Variants in EBF2 observed in about 807,000 individuals in gnomAD.
EBF2 encodes the protein EBF transcription factor 2, also known as transcription factor COE2.
A neutral mutation model predicts 72.8 loss-of-function variants in EBF2; 21 were observed. That is an observed-to-expected ratio of 0.29 (90% confidence interval 0.20 to 0.42). EBF2 has a LOEUF of 0.42. EBF2 is among the 10% of genes least tolerant of loss of function. EBF2 has a pLI of 1.00. For missense variants in EBF2, 637 were observed against 731.2 expected, an observed-to-expected ratio of 0.87 and a Z score of 1.49; for synonymous variants, 299 against 274.2, an observed-to-expected ratio of 1.09 and a Z score of -0.89.
chr8:25,941,925 T>C (rs1298084263), intron 6 of EBF2, among the ~76,000 whole-genome samples: 1 of 152,256 alleles, frequency 6.6e-6, no homozygotes, highest in Non-Finnish European at 1.5e-5. Flanking sequence ...TTTTAGTCCA[T>C]GCTGTGGCTT....
At chr8:25,920,283 A>C (rs1299803262) in intron 6 of EBF2, among the ~76,000 whole-genome samples, 1 of 152,208 alleles carries the variant, frequency 6.6e-6, no homozygotes, top group Non-Finnish European at 1.5e-5. Flanking sequence ...GTTTCTCTGT[A>C]GTCAGGAACA....
intron 6 of EBF2, among the ~76,000 whole-genome samples, chr8:25,982,357 G>T (rs1209273029): frequency 6.6e-6 from 1 of 152,174 alleles, no homozygotes; most frequent in East Asian, 1.9e-4. Flanking sequence ...GACTGAGCCT[G>T]AACACTATGT....
At chr8:25,929,623 T>C (rs2117143955) in intron 6 of EBF2, among the ~76,000 whole-genome samples, 1 of 152,330 alleles carries the variant, frequency 6.6e-6, no homozygotes, top group African/African-American at 2.4e-5. Flanking sequence ...CTAAGTTCTA[T>C]TCCTCTTTCA....
intron 6 of EBF2, among the ~76,000 whole-genome samples, chr8:25,963,394 A>G (rs1298310855): frequency 6.6e-6 from 1 of 152,210 alleles, no homozygotes; most frequent in Non-Finnish European, 1.5e-5. Flanking sequence ...ACATAAAGGC[A>G]GTTCTGTAAA....
chr8:25,908,339 G>A (rs969432413), intron 7 of EBF2, 135 bp downstream of exon 7: 31 of 670,574 alleles, frequency 4.6e-5, no homozygotes, highest in African/African-American at 7.3e-5. Flanking sequence ...GAGGGTCATC[G>A]TTTACCATTG....
chr8:26,010,869 A>G (rs1804970213), intron 6 of EBF2, among the ~76,000 whole-genome samples: 1 of 152,200 alleles, frequency 6.6e-6, no homozygotes, highest in Non-Finnish European at 1.5e-5. Context: ...TACTTGAAAG[A>G]TATTGACAAA....
intron 6 of EBF2, among the ~76,000 whole-genome samples, chr8:25,947,985 G>T (rs1023430017): frequency 1.3e-5 from 2 of 152,320 alleles, no homozygotes; most frequent in South Asian, 2.1e-4. Context: ...CTGGAGCAGG[G>T]TTTGATACAT....
chr8:26,006,604 G>T (rs564561015), intron 6 of EBF2, among the ~76,000 whole-genome samples: 1 of 152,066 alleles, frequency 6.6e-6, no homozygotes, highest in Non-Finnish European at 1.5e-5. Context: ...AAACTATGTC[G>T]TCCAATTAAT....
Position 26,042,074 on chromosome 8 carries a change from T to TG in EBF2, c.288+20dup, listed in dbSNP as rs770924148. On this transcript the variant is annotated intron_variant, in intron 2 of 15. Transcript: ENST00000520164. The stretch of plus-strand genomic sequence containing the variant: ...GAGGGAGTTATTAGGCCGCGGGGTT[T>TG]GGGGGGTACTTTCCGCTTACTTTGT... The TG allele has an allele frequency of 7.5e-6, 12 of 1,610,382 alleles. No homozygotes were observed. The South Asian group carries it at 8.8e-5, about 12-fold the overall frequency.
chr8:25,969,913 G>C (rs539508244), intron 6 of EBF2, among the ~76,000 whole-genome samples: 56 of 152,300 alleles, frequency 3.7e-4, no homozygotes, highest in Middle Eastern at 6.8e-3. Flanking sequence ...TCAAAGGGGC[G>C]ATGTGTAAGG....
chr8:26,012,774 T>C (rs1381900547), intron 6 of EBF2, among the ~76,000 whole-genome samples: 6 of 152,208 alleles, frequency 3.9e-5, no homozygotes, highest in African/African-American at 2.4e-5. Flanking sequence ...CCTGTCTCCT[T>C]GCTCACAGCA....
At chr8:25,914,483 G>A (rs1563398882) in intron 6 of EBF2, among the ~76,000 whole-genome samples, 1 of 152,166 alleles carries the variant, frequency 6.6e-6, no homozygotes, top group African/African-American at 2.4e-5. Flanking sequence ...GGGCCCTGAA[G>A]CTTTTAAGAT....
Position 25,896,314 on chromosome 8 carries a change from G to A in EBF2, c.634-6445C>T, listed in dbSNP as rs114385880. Among the ~76,000 whole-genome samples, 1,168 of 152,252 alleles carry A rather than the reference G, an allele frequency of 7.7e-3. 14 individuals carry two copies. Among genetic ancestry groups the A allele is most frequent in the African/African-American group, 0.027 (1,102 of 41,536 alleles). ...ACAGTTCCCCACCCTTTCAATGAGGGTCATGCACCTCCTAGCTGAATGTGG... is the reference window on the plus strand; with the variant it reads ...ACAGTTCCCCACCCTTTCAATGAGGATCATGCACCTCCTAGCTGAATGTGG... On this transcript the variant is annotated intron_variant, in intron 7 of 15. Coordinates refer to ENST00000520164, the MANE Select transcript of EBF2 (RefSeq NM_022659.4).
At chr8:25,898,362 C>T (rs78081232) in intron 7 of EBF2, among the ~76,000 whole-genome samples, 1,997 of 151,926 alleles carry the variant, frequency 0.013, 49 homozygotes, top group African/African-American at 0.046. Context: ...AAGAGCTCTC[C>T]GTTGGTGTAT....
intron 10 of EBF2, among the ~76,000 whole-genome samples, chr8:25,867,000 G>T (rs1802342496): frequency 6.6e-6 from 1 of 151,898 alleles, no homozygotes; most frequent in East Asian, 1.9e-4. Flanking sequence ...CATTTTCTTG[G>T]TATATATCTA....
At chr8:25,916,754 T>C (rs1426882766) in intron 6 of EBF2, among the ~76,000 whole-genome samples, 2 of 152,080 alleles carry the variant, frequency 1.3e-5, no homozygotes, top group Admixed American at 6.5e-5. Flanking sequence ...TTCAGTAAAC[T>C]CTGGCCAGCA....
chr8:26,036,825 A>T (rs527750156), intron 5 of EBF2, among the ~76,000 whole-genome samples: 1 of 152,284 alleles, frequency 6.6e-6, no homozygotes, highest in African/African-American at 2.4e-5. Flanking sequence ...GGCTTTTAGG[A>T]TTATTCTCCA....
chr8:25,924,501 T>TA, intron 6 of EBF2, among the ~76,000 whole-genome samples: 1 of 152,314 alleles, frequency 6.6e-6, no homozygotes, highest in Admixed American at 6.5e-5. Context: ...GATCAATGCT[T>TA]ACACTTTAGA....
At chr8:25,977,284 C>G (rs1343603167) in intron 6 of EBF2, among the ~76,000 whole-genome samples, 3 of 152,134 alleles carry the variant, frequency 2.0e-5, no homozygotes, top group Non-Finnish European at 4.4e-5. Context: ...AGGTACTTCC[C>G]CACAGTTTAT....
Sources: allele counts gnomAD v4.1 joint callset (sites outside exome capture counted in the v4.1 genomes callset), GRCh38; gene constraint gnomAD v4.1.1; transcripts MANE v1.5; gene names NCBI Gene and HGNC (gene_info 2026-07-23, HGNC 2026-07-21).